Variants in FARS2 observed in about 807,000 individuals in gnomAD.
The protein encoded by FARS2 is phenylalanyl-tRNA synthetase 2, mitochondrial.
FARS2 carries 40 observed loss-of-function variants against 46.4 expected under a neutral mutation model. The ratio of observed to expected loss-of-function variants is 0.86; its 90% CI spans 0.67 to 1.12. The LOEUF (loss-of-function observed/expected upper bound fraction) is 1.12. FARS2 is among the 50% of genes most tolerant of loss of function. The probability of loss-of-function intolerance (pLI) is 0.00; values close to 1 mark genes in which losing one functional copy is unlikely to be tolerated. For synonymous variants in FARS2, 234 were observed against 214.9 expected (o/e 1.09, Z -0.78); for missense variants, 513 against 567.9 (o/e 0.90, Z 0.98).
chr6:5,351,213 A>C (rs1187910535), intron 1 of FARS2, among the ~76,000 whole-genome samples: 1 of 152,240 alleles, frequency 6.6e-6, no homozygotes, highest in Non-Finnish European at 1.5e-5. Flanking sequence ...TTCAGATACC[A>C]GCTACCTGCT....
intron 4 of FARS2, among the ~76,000 whole-genome samples, chr6:5,438,157 G>T (rs1444573007): frequency 1.3e-5 from 2 of 149,036 alleles, no homozygotes; most frequent in Admixed American, 6.8e-5. Flanking sequence ...GTAAATACTA[G>T]TATCTTTCCT....
chr6:5,558,773 G>A (rs1025399605), intron 5 of FARS2, among the ~76,000 whole-genome samples: 3 of 151,758 alleles, frequency 2.0e-5, no homozygotes, highest in African/African-American at 2.4e-5. Context: ...GGATGGTCTC[G>A]ATCTCCTGAC....
At chr6:5,346,014 G>C (rs10793845) in intron 1 of FARS2, among the ~76,000 whole-genome samples, 1 of 152,018 alleles carries the variant, frequency 6.6e-6, no homozygotes, top group Admixed American at 6.5e-5. Context: ...ATGGCGGTGT[G>C]GGAGAGCAGG....
At chr6:5,385,409 CTTTTCTTTTTTTCTTTTCT>C (rs1221776992) in intron 2 of FARS2, among the ~76,000 whole-genome samples, 3 of 147,202 alleles carry the variant, frequency 2.0e-5, no homozygotes, top group East Asian at 4.0e-4. Context: ...TTGGGAGTTT[CTTTTCTTTTTTTCTTTTCT>C]TTTTTTTTTT....
At chr6:5,296,045 G>T (rs1767835481) in intron 1 of FARS2, among the ~76,000 whole-genome samples, 1 of 151,814 alleles carries the variant, frequency 6.6e-6, no homozygotes, top group African/African-American at 2.4e-5. Context: ...GCAACTCTAG[G>T]AGGTAGGTAC....
chr6:5,505,022 G>T (rs1366925555), intron 4 of FARS2, among the ~76,000 whole-genome samples: 1 of 152,066 alleles, frequency 6.6e-6, no homozygotes, highest in Non-Finnish European at 1.5e-5. Flanking sequence ...GAATAAGAGT[G>T]ATTATATAGA....
chr6:5,556,957 G>T (rs1771696987), intron 5 of FARS2, among the ~76,000 whole-genome samples: 1 of 152,108 alleles, frequency 6.6e-6, no homozygotes, highest in South Asian at 2.1e-4. Flanking sequence ...TTGGCACTCT[G>T]TGGAATCAGA....
intron 1 of FARS2, among the ~76,000 whole-genome samples, chr6:5,282,709 A>G (rs1334099080): frequency 2.0e-5 from 3 of 152,250 alleles, no homozygotes; most frequent in Non-Finnish European, 4.4e-5. Context: ...AGGTGGGTCC[A>G]GGAATGGTGC....
chr6:5,536,611 T>C (rs750388543), intron 4 of FARS2, among the ~76,000 whole-genome samples: 3 of 152,216 alleles, frequency 2.0e-5, no homozygotes, highest in Non-Finnish European at 4.4e-5. Context: ...ATAAATATTA[T>C]ATTTCATCTC....
intron 1 of FARS2, among the ~76,000 whole-genome samples, chr6:5,284,860 G>A (rs983277932): frequency 1.3e-5 from 2 of 152,138 alleles, no homozygotes; most frequent in South Asian, 2.1e-4. Context: ...TTTCGACTCC[G>A]GTGATCACTG....
chr6:5,526,103 C>T (rs1769449885), intron 4 of FARS2, among the ~76,000 whole-genome samples: 1 of 152,158 alleles, frequency 6.6e-6, no homozygotes, highest in Non-Finnish European at 1.5e-5. Context: ...ATTGGTGCTC[C>T]AGAGCCACAG....
At chr6:5,468,121 T>C (rs1350899869) in intron 4 of FARS2, among the ~76,000 whole-genome samples, 1 of 152,194 alleles carries the variant, frequency 6.6e-6, no homozygotes, top group African/African-American at 2.4e-5. Context: ...CCAAGAGTTA[T>C]GGTGACATGT....
intron 5 of FARS2, among the ~76,000 whole-genome samples, chr6:5,607,285 A>ATGTGTGTGTGTGTGTGTGTGTGTG (rs200898031): frequency 2.7e-5 from 2 of 74,986 alleles, no homozygotes; most frequent in African/African-American, 7.4e-5. Context: ...AATAATATGT[A>ATGTGTGTGTGTGTGTGTGTGTGTG]TGTGTGTGTG....
chr6:5,390,923 T>C (rs544844216), intron 2 of FARS2, among the ~76,000 whole-genome samples: 1 of 152,228 alleles, frequency 6.6e-6, no homozygotes, highest in Non-Finnish European at 1.5e-5. Context: ...ACTGTTCACA[T>C]TGATGCAATT....
intron 2 of FARS2, among the ~76,000 whole-genome samples, chr6:5,383,195 A>G (rs538255331): frequency 1.3e-5 from 2 of 152,296 alleles, no homozygotes; most frequent in African/African-American, 2.4e-5. Context: ...TCTAATTTAT[A>G]TGTTCTATCG....
chr6:5,448,698 T>C (rs921332580), intron 4 of FARS2, among the ~76,000 whole-genome samples: 15 of 152,342 alleles, frequency 9.8e-5, no homozygotes, highest in African/African-American at 2.9e-4. Flanking sequence ...AGTACATTTA[T>C]AGGATTTATT....
chr6:5,539,495 G>A (rs1228950684), intron 4 of FARS2, among the ~76,000 whole-genome samples: 1 of 151,172 alleles, frequency 6.6e-6, no homozygotes, highest in Non-Finnish European at 1.5e-5. Flanking sequence ...GCCTCCCAAA[G>A]TGCTAGGATT....
intron 6 of FARS2, among the ~76,000 whole-genome samples, chr6:5,768,168 G>A (rs1762846056): frequency 1.3e-5 from 2 of 152,146 alleles, no homozygotes; most frequent in South Asian, 2.1e-4. Context: ...AGCCTTCTCT[G>A]TCATCATTCA....
chr6:5,274,636 C>G (rs1334049686), intron 1 of FARS2, among the ~76,000 whole-genome samples: 1 of 152,164 alleles, frequency 6.6e-6, no homozygotes, highest in Non-Finnish European at 1.5e-5. Context: ...TGCGTCTAGA[C>G]TTCGTGTTTT....
Sources: gnomAD v4.1 joint callset for allele counts (sites outside exome capture counted in the v4.1 genomes callset) on GRCh38, gnomAD v4.1.1 for gene constraint, MANE v1.5 for transcripts, NCBI Gene and HGNC (gene_info 2026-07-23, HGNC 2026-07-21) for gene names.